SIPA1L2: variants seen among roughly 807,000 people sequenced by gnomAD.
The protein encoded by SIPA1L2 is signal-induced proliferation-associated 1-like protein 2.
SIPA1L2 carries 56 observed loss-of-function variants against 163.9 expected under a neutral mutation model. The ratio of observed to expected loss-of-function variants is 0.34; its 90% CI spans 0.28 to 0.43. The LOEUF is 0.43. Among genes scored for constraint, SIPA1L2 ranks in the 20% least tolerant of loss-of-function variants. The pLI is 1.00. For missense variants in SIPA1L2, 1,974 were observed against 2,193.5 expected (o/e 0.90, Z 2.00); for synonymous variants, 877 against 865.7 (o/e 1.01, Z -0.23).
chr1:232,488,273 A>C (rs1404204953), intron 5 of SIPA1L2, among the ~76,000 whole-genome samples: 1 of 152,146 alleles, frequency 6.6e-6, no homozygotes, highest in Non-Finnish European at 1.5e-5. Flanking sequence ...TTGTATTTTA[A>C]ATATAATTTC....
chr1:232,449,417 C>G (rs1663420719), intron 10 of SIPA1L2, among the ~76,000 whole-genome samples: 1 of 150,774 alleles, frequency 6.6e-6, no homozygotes, highest in Non-Finnish European at 1.5e-5. Context: ...ACTCGGGAGG[C>G]TGAGGCAGGA....
At chr1:232,613,997 T>C (rs75695608) in intron 1 of SIPA1L2, among the ~76,000 whole-genome samples, 4,183 of 152,234 alleles carry the variant, frequency 0.027, 87 homozygotes, top group Non-Finnish European at 0.043. Context: ...TATTAGTATA[T>C]TTGCAATTTC....
intron 2 of SIPA1L2, among the ~76,000 whole-genome samples, chr1:232,566,301 C>T (rs774469714): frequency 6.6e-6 from 1 of 152,222 alleles, no homozygotes; most frequent in Non-Finnish European, 1.5e-5. Flanking sequence ...AACCTTAACA[C>T]TATCCATTGT....
intron 2 of SIPA1L2, among the ~76,000 whole-genome samples, chr1:232,543,903 T>A (rs569600340): frequency 1.3e-4 from 20 of 152,146 alleles, no homozygotes; most frequent in Non-Finnish European, 2.4e-4. Context: ...ATGTTAATTG[T>A]TTATATTATT....
chr1:232,433,935 AT>A (rs767502803), intron 15 of SIPA1L2, among the ~76,000 whole-genome samples: 3 of 152,204 alleles, frequency 2.0e-5, no homozygotes, highest in African/African-American at 4.8e-5. Context: ...ATTGAGGATA[AT>A]AACAGTATCT....
intron 3 of SIPA1L2, among the ~76,000 whole-genome samples, chr1:232,500,040 C>T (rs1326713129): frequency 5.9e-5 from 9 of 152,080 alleles, no homozygotes; most frequent in African/African-American, 1.7e-4. Context: ...TACAGTGGCA[C>T]GATCTTGGCT....
intron 10 of SIPA1L2, among the ~76,000 whole-genome samples, chr1:232,457,478 C>A (rs12240036): frequency 3.3e-5 from 5 of 152,076 alleles, no homozygotes; most frequent in Non-Finnish European, 7.4e-5. Flanking sequence ...TACACACATA[C>A]ACACAGAAAC....
At chr1:232,618,551 G>C (rs534684497) in intron 1 of SIPA1L2, among the ~76,000 whole-genome samples, 2 of 152,004 alleles carry the variant, frequency 1.3e-5, no homozygotes, top group African/African-American at 4.8e-5. Context: ...CTAATCAGGA[G>C]GCTGAGGCAG....
In SIPA1L2 at chr1:232,412,655, C is replaced by A. The variant is rs917748337; in HGVS notation, c.4762+2839G>T. On this transcript the variant is annotated intron_variant, in intron 19 of 22. Transcript: ENST00000674635. ...GACAGGGGAGCAGGTCACTGGGATA[C>A]AACCTGAGGCAACACTGATACAAGG... Among the ~76,000 whole-genome samples, 5 of 152,264 alleles carry A rather than the reference C, an allele frequency of 3.3e-5. No individual in the cohort carries two copies. The East Asian group carries it at 9.6e-4, about 29-fold the overall frequency.
chr1:232,586,510 G>A (rs6684801), intron 1 of SIPA1L2, among the ~76,000 whole-genome samples: 38,400 of 152,012 alleles, frequency 0.25, 4,950 homozygotes, highest in Admixed American at 0.26. Context: ...GGAAGAGCTC[G>A]TCACGTAATC....
chr1:232,495,858 G>A (rs987251876), intron 3 of SIPA1L2, among the ~76,000 whole-genome samples: 2 of 152,052 alleles, frequency 1.3e-5, no homozygotes, highest in African/African-American at 4.8e-5. Context: ...GTAGAAAAAA[G>A]CTTACAGAAT....
intron 6 of SIPA1L2, among the ~76,000 whole-genome samples, chr1:232,481,898 A>G (rs1665377903): frequency 6.6e-6 from 1 of 152,208 alleles, no homozygotes; most frequent in Admixed American, 6.6e-5. Flanking sequence ...GATTTGACCT[A>G]AGTCTTCTAA....
intron 3 of SIPA1L2, among the ~76,000 whole-genome samples, chr1:232,512,025 T>C (rs541536134): frequency 2.2e-4 from 34 of 152,228 alleles, no homozygotes; most frequent in African/African-American, 8.2e-4. Context: ...GAAACAAATT[T>C]ACAAGAACAA....
chr1:232,452,196 A>G (rs1663624535), intron 10 of SIPA1L2, among the ~76,000 whole-genome samples: 1 of 151,930 alleles, frequency 6.6e-6, no homozygotes, highest in Non-Finnish European at 1.5e-5. Context: ...ACTTATTCAT[A>G]TTCATACTCA....
chr1:232,592,123 C>A (rs1192763589), intron 1 of SIPA1L2, among the ~76,000 whole-genome samples: 2 of 149,160 alleles, frequency 1.3e-5, no homozygotes, highest in Non-Finnish European at 3.0e-5. Context: ...AAATAAACTA[C>A]CAGAGAAAAG....
intron 2 of SIPA1L2, among the ~76,000 whole-genome samples, chr1:232,538,660 T>C (rs1657455746): frequency 6.7e-6 from 1 of 148,806 alleles, no homozygotes; most frequent in African/African-American, 2.5e-5. Context: ...AATCTTAAAG[T>C]CCCCCAGGCT....
At chr1:232,428,690 A>G (rs1487355366) in intron 16 of SIPA1L2, 126 bp from the exon 17 acceptor site, 1 of 614,682 alleles carries the variant, frequency 1.6e-6, no homozygotes, top group Admixed American at 3.6e-5. Flanking sequence ...GTCTTAAGTC[A>G]GTTCACTTTT....
chr1:232,552,882 T>TG (rs1658480168), intron 2 of SIPA1L2, among the ~76,000 whole-genome samples: 2 of 152,292 alleles, frequency 1.3e-5, no homozygotes, highest in South Asian at 4.1e-4. Context: ...AGGGGGAGCA[T>TG]GCACACAGGC....
chr1:232,503,788 T>C (rs930738344), intron 3 of SIPA1L2, among the ~76,000 whole-genome samples: 1 of 152,246 alleles, frequency 6.6e-6, no homozygotes, highest in African/African-American at 2.4e-5. Context: ...CTATCTATGA[T>C]GTATCTTCTT....
Sources: allele counts gnomAD v4.1 joint callset (sites outside exome capture counted in the v4.1 genomes callset), GRCh38; gene constraint gnomAD v4.1.1; transcripts MANE v1.5; gene names NCBI Gene and HGNC (gene_info 2026-07-23, HGNC 2026-07-21).